Variants in SLC24A3 observed in about 807,000 individuals in gnomAD.
SLC24A3 encodes the protein solute carrier family 24 member 3.
A neutral mutation model predicts 75.8 loss-of-function variants in SLC24A3; 28 were observed. The ratio of observed to expected loss-of-function variants is 0.37; its 90% CI spans 0.27 to 0.51. The LOEUF (loss-of-function observed/expected upper bound fraction) is 0.51, where lower values mean the gene tolerates loss of function less well. Ranked by LOEUF, SLC24A3 falls within the 20% of genes least tolerant of loss-of-function variation. The pLI, the probability that SLC24A3 is intolerant of heterozygous loss-of-function variation, is 0.94. For synonymous variants in SLC24A3, 372 were observed against 334.1 expected, an observed-to-expected ratio of 1.11 and a Z score of -1.24; for missense variants, 663 against 847.8, an observed-to-expected ratio of 0.78 and a Z score of 2.71.
intron 3 of SLC24A3, among the ~76,000 whole-genome samples, chr20:19,521,461 C>T (rs1291345753): frequency 6.6e-6 from 1 of 152,160 alleles, no homozygotes; most frequent in Non-Finnish European, 1.5e-5. Flanking sequence ...TCCACAACCC[C>T]ACCTTCCCAT....
At chr20:19,577,639 A>T (rs917999664) in intron 3 of SLC24A3, among the ~76,000 whole-genome samples, 6 of 152,246 alleles carry the variant, frequency 3.9e-5, no homozygotes, top group African/African-American at 1.4e-4. Flanking sequence ...CACTATTTTG[A>T]TTAATGGCCT....
At chr20:19,671,884 T>A (rs2032471857) in intron 8 of SLC24A3, among the ~76,000 whole-genome samples, 1 of 151,800 alleles carries the variant, frequency 6.6e-6, no homozygotes, top group Non-Finnish European at 1.5e-5. Context: ...GATGGCCCAA[T>A]AATGAGAGGA....
In SLC24A3 at chr20:19,673,609, C is replaced by A; in HGVS notation, c.722C>A (p.Ser241Tyr). 6.2e-7 allele frequency: 1 copy of A among 1,614,006 alleles called. No individual in the cohort carries two copies. Residue 241 changes from serine (S) to tyrosine (Y), a missense_variant, in exon 9 of 17, where the codon TCT (serine) becomes TAT (tyrosine). Transcript: ENST00000328041. ...TCTTGGTTTACACACAGGTGGGAGT[C>A]TTTAGTCCTTGTGCTGATGTATCTT... ...IYDEKVSWWE[S>Y]LVLVLMYLIY...
chr20:19,355,931 G>C (rs561512262), intron 2 of SLC24A3, among the ~76,000 whole-genome samples: 36 of 152,202 alleles, frequency 2.4e-4, no homozygotes, highest in African/African-American at 6.5e-4. Context: ...GCTACATTTG[G>C]GTTAGAAGTT....
intron 1 of SLC24A3, among the ~76,000 whole-genome samples, chr20:19,234,499 G>T (rs1185922922): frequency 1.3e-5 from 2 of 152,226 alleles, no homozygotes; most frequent in African/African-American, 4.8e-5. Context: ...TGCTAGTGAA[G>T]CACAGGCTAC....
At chr20:19,342,484 C>T (rs944811541) in intron 2 of SLC24A3, among the ~76,000 whole-genome samples, 8 of 152,154 alleles carry the variant, frequency 5.3e-5, no homozygotes, top group African/African-American at 1.9e-4. Flanking sequence ...TTCAATTATA[C>T]AGCAATCATA....
At position 19,698,978 on chromosome 20, in the gene SLC24A3, G is replaced by T. The variant is rs145188319; in HGVS notation, c.1719+298G>T. On this transcript the variant is annotated intron_variant, in intron 15 of 16. Transcript: ENST00000328041. Reference sequence around the variant, plus strand: ...AGCTTTGCTGCTGTAGCAGAAAAACGGCCATAGACAATAAATAACCAAACG... The same window carrying T: ...AGCTTTGCTGCTGTAGCAGAAAAACTGCCATAGACAATAAATAACCAAACG... Among the ~76,000 whole-genome samples the T allele has an allele frequency of 1.9e-3, 290 of 152,226 alleles. 1 individual carries two copies. The highest frequency in any genetic ancestry group is 6.4e-3 in the African/African-American group (266 of 41,512).
At chr20:19,604,058 G>A (rs931855603) in intron 6 of SLC24A3, among the ~76,000 whole-genome samples, 5 of 152,346 alleles carry the variant, frequency 3.3e-5, no homozygotes, top group Admixed American at 2.6e-4. Context: ...TATCTTCTGA[G>A]TGACAATTCT....
chr20:19,583,083 A>G (rs1293571293), intron 4 of SLC24A3, among the ~76,000 whole-genome samples: 2 of 152,142 alleles, frequency 1.3e-5, no homozygotes, highest in Admixed American at 1.3e-4. Flanking sequence ...ACTAGATCAC[A>G]CACAGCATGT....
At chr20:19,469,965 C>T (rs1171521606) in intron 2 of SLC24A3, among the ~76,000 whole-genome samples, 1 of 152,144 alleles carries the variant, frequency 6.6e-6, no homozygotes, top group Non-Finnish European at 1.5e-5. Context: ...CCACATAGAC[C>T]TCCTCCCTGC....
intron 1 of SLC24A3, among the ~76,000 whole-genome samples, chr20:19,234,032 G>T (rs1363670647): frequency 6.6e-6 from 1 of 152,186 alleles, no homozygotes; most frequent in African/African-American, 2.4e-5. Context: ...CTCTGAGCAT[G>T]CCCTGAATCA....
chr20:19,267,973 TA>T (rs1983217974), intron 1 of SLC24A3, among the ~76,000 whole-genome samples: 1 of 152,216 alleles, frequency 6.6e-6, no homozygotes, highest in Non-Finnish European at 1.5e-5. Flanking sequence ...TTTAAAAAAT[TA>T]TTTGCCAAAA....
chr20:19,227,293 T>C (rs910755497), intron 1 of SLC24A3, among the ~76,000 whole-genome samples: 2 of 152,228 alleles, frequency 1.3e-5, no homozygotes, highest in African/African-American at 4.8e-5. Context: ...TATCCAGTCT[T>C]CATTTTCTTC....
In SLC24A3 at chr20:19,378,579, G is replaced by T. The variant is rs1304878281; in HGVS notation, c.271+97492G>T. ...TTGGGGCTAAATGAGCCATTCTGTTGAAGACACCCTGTGCTGCTGTTTTCT... is the reference window on the plus strand; with the variant it reads ...TTGGGGCTAAATGAGCCATTCTGTTTAAGACACCCTGTGCTGCTGTTTTCT... On this transcript the variant is annotated intron_variant, in intron 2 of 16. Transcript: ENST00000328041. Among the ~76,000 whole-genome samples the T allele has an allele frequency of 5.3e-5, 8 of 152,278 alleles. No homozygotes were observed. In the East Asian group the frequency reaches 1.5e-3, roughly 29 times the overall value.
At chr20:19,290,843 C>T (rs1362223019) in intron 2 of SLC24A3, among the ~76,000 whole-genome samples, 1 of 152,176 alleles carries the variant, frequency 6.6e-6, no homozygotes, top group Non-Finnish European at 1.5e-5. Flanking sequence ...GACACCAAAC[C>T]TGTCTTCCAG....
intron 2 of SLC24A3, among the ~76,000 whole-genome samples, chr20:19,346,345 G>GTA (rs199579244): frequency 0.16 from 7,323 of 45,866 alleles, 1,943 homozygotes; most frequent in African/African-American, 0.53. Context: ...TATATATATG[G>GTA]TATATATATG....
intron 2 of SLC24A3, among the ~76,000 whole-genome samples, chr20:19,360,221 A>T (rs1012730876): frequency 6.6e-6 from 1 of 152,236 alleles, no homozygotes; most frequent in Admixed American, 6.5e-5. Context: ...TTGCAGTCAG[A>T]CACGAATGAG....
intron 2 of SLC24A3, among the ~76,000 whole-genome samples, chr20:19,339,053 C>A (rs150314789): frequency 1.3e-5 from 2 of 152,214 alleles, no homozygotes; most frequent in South Asian, 2.1e-4. Context: ...AGGGACACTG[C>A]CAAGATTCGG....
At chr20:19,519,572 C>T (rs144395181) in intron 3 of SLC24A3, among the ~76,000 whole-genome samples, 9 of 152,160 alleles carry the variant, frequency 5.9e-5, no homozygotes, top group African/African-American at 1.9e-4. Context: ...ATGATCTTGA[C>T]AACTTTTTCA....
Sources: allele counts gnomAD v4.1 joint callset (sites outside exome capture counted in the v4.1 genomes callset), GRCh38; gene constraint gnomAD v4.1.1; transcripts MANE v1.5; gene names NCBI Gene and HGNC (gene_info 2026-07-23, HGNC 2026-07-21).